The following LHPP variants were observed in gnomAD, a reference collection of about 807,000 sequenced individuals.
LHPP encodes the protein phospholysine phosphohistidine inorganic pyrophosphate phosphatase.
A neutral mutation model predicts 30.3 loss-of-function variants in LHPP; 24 were observed. That is an observed-to-expected ratio of 0.79 (90% CI 0.57 to 1.11). LHPP has a LOEUF of 1.11. Among genes scored for constraint, LHPP ranks in the 50% most tolerant of loss-of-function variants. LHPP has a pLI of 0.00. For missense variants in LHPP, 356 were observed against 367.2 expected (o/e 0.97, Z 0.25); for synonymous variants, 150 against 157.1 (o/e 0.95, Z 0.34).
intron 6 of LHPP, among the ~76,000 whole-genome samples, chr10:124,600,140 GC>G (rs1306934539): frequency 6.6e-6 from 1 of 152,186 alleles, no homozygotes; most frequent in Non-Finnish European, 1.5e-5. Flanking sequence ...CAGCTCCAAG[GC>G]CCCCCTGTGG....
intron 1 of LHPP, among the ~76,000 whole-genome samples, chr10:124,471,465 TTATATA>T (rs1444799396): frequency 2.4e-3 from 5 of 2,112 alleles, no homozygotes; most frequent in African/African-American, 2.9e-3. Flanking sequence ...TTATATATAT[TTATATA>T]TTATATATAT....
chr10:124,483,776 AAAAT>A (rs1370997948), intron 1 of LHPP, among the ~76,000 whole-genome samples: 2 of 151,836 alleles, frequency 1.3e-5, no homozygotes, highest in Non-Finnish European at 2.9e-5. Flanking sequence ...AGAAATAAAA[AAAAT>A]AAAGAAGTGG....
intron 6 of LHPP, among the ~76,000 whole-genome samples, chr10:124,564,815 T>C (rs1427467701): frequency 6.6e-6 from 1 of 152,162 alleles, no homozygotes; most frequent in Non-Finnish European, 1.5e-5. Flanking sequence ...ATTTTTAGGA[T>C]GGAAAAGTTA....
chr10:124,531,229 ACAC>A (rs2133931758), intron 6 of LHPP, among the ~76,000 whole-genome samples: 2 of 152,046 alleles, frequency 1.3e-5, no homozygotes, highest in East Asian at 3.9e-4. Flanking sequence ...CTCCAACCCC[ACAC>A]CCCGTCTCAA....
intron 5 of LHPP, among the ~76,000 whole-genome samples, chr10:124,513,073 A>AGTTTGTTT (rs113429645): frequency 0.066 from 9,924 of 151,290 alleles, 380 homozygotes; most frequent in Non-Finnish European, 0.089. Flanking sequence ...GAAGACATGT[A>AGTTTGTTT]GTTTGTTTGT....
intron 5 of LHPP, among the ~76,000 whole-genome samples, chr10:124,509,910 A>G (rs545469714): frequency 6.6e-6 from 1 of 152,122 alleles, no homozygotes; most frequent in South Asian, 2.1e-4. Context: ...TTGCACTCCA[A>G]AGCATCGCCG....
chr10:124,613,130 G>C lies in LHPP; in HGVS notation c.717-134G>C, dbSNP rs182429900. ...GAGGAGGGGGATGGCCAGTGGCCACGGGCCAGGCTGCCTGGCAGGACCTGG... is the reference window on the plus strand; with the variant it reads ...GAGGAGGGGGATGGCCAGTGGCCACCGGCCAGGCTGCCTGGCAGGACCTGG... On this transcript the variant is annotated intron_variant, in intron 6 of 6. Transcript: ENST00000368842. 4.1e-6 allele frequency: 3 copies of C among 723,726 alleles called. No individual in the cohort carries two copies. In the African/African-American group the frequency reaches 5.1e-5, roughly 12 times the overall value. The allele number at this position is 723,726 out of a possible 1,614,324, so 44.8% of individuals were successfully genotyped here. A position where few individuals can be genotyped will look rare whatever the true frequency, so the allele number is the denominator to read the frequency against.
intron 2 of LHPP, among the ~76,000 whole-genome samples, chr10:124,487,265 C>T (rs1248916436): frequency 6.6e-6 from 1 of 152,118 alleles, no homozygotes; most frequent in Non-Finnish European, 1.5e-5. Flanking sequence ...TGTATGTTCA[C>T]CTTTGTAAAA....
chr10:124,468,698 A>C (rs1269901800), intron 1 of LHPP, among the ~76,000 whole-genome samples: 1 of 152,146 alleles, frequency 6.6e-6, no homozygotes, highest in Non-Finnish European at 1.5e-5. Flanking sequence ...CGCCCACACC[A>C]GCGTGCCCTT....
At chr10:124,468,270 T>C (rs1199078410) in intron 1 of LHPP, among the ~76,000 whole-genome samples, 1 of 152,172 alleles carries the variant, frequency 6.6e-6, no homozygotes, top group Non-Finnish European at 1.5e-5. Flanking sequence ...TGGATTTGCT[T>C]TGGCTCCTGC....
intron 5 of LHPP, among the ~76,000 whole-genome samples, chr10:124,502,151 A>G (rs1283391727): frequency 6.6e-6 from 1 of 151,976 alleles, no homozygotes; most frequent in Non-Finnish European, 1.5e-5. Flanking sequence ...ATCATCGAGC[A>G]GTGATAAAAC....
At chr10:124,521,387 G>A (rs1347295315) in intron 6 of LHPP, among the ~76,000 whole-genome samples, 1 of 152,242 alleles carries the variant, frequency 6.6e-6, no homozygotes, top group Non-Finnish European at 1.5e-5. Context: ...CTGCACAGCG[G>A]TGAGCCCCCC....
At chr10:124,564,722 C>G (rs1391148837) in intron 6 of LHPP, among the ~76,000 whole-genome samples, 1 of 152,182 alleles carries the variant, frequency 6.6e-6, no homozygotes, top group South Asian at 2.1e-4. Flanking sequence ...TGAGTCTGGG[C>G]TGGGGACAGT....
chr10:124,524,563 C>T (rs555868031), intron 6 of LHPP, among the ~76,000 whole-genome samples: 2 of 152,320 alleles, frequency 1.3e-5, no homozygotes, highest in African/African-American at 4.8e-5. Flanking sequence ...AGGCATGAGC[C>T]ACCGTGTCTG....
intron 6 of LHPP, among the ~76,000 whole-genome samples, chr10:124,538,189 G>GGGGTCAACATGCA (rs1554888805): frequency 2.7e-5 from 4 of 149,444 alleles, no homozygotes; most frequent in African/African-American, 7.3e-5. Flanking sequence ...GTCACCATGC[G>GGGGTCAACATGCA]GGGTCACCAT....
intron 6 of LHPP, among the ~76,000 whole-genome samples, chr10:124,565,208 A>G (rs754788770): frequency 6.6e-6 from 1 of 152,180 alleles, no homozygotes; most frequent in Admixed American, 6.5e-5. Flanking sequence ...GCTGAGAAGC[A>G]CGCATGAGAA....
chr10:124,485,276 AAAAATATCTTG>A (rs1740182695), intron 2 of LHPP, among the ~76,000 whole-genome samples: 1 of 152,084 alleles, frequency 6.6e-6, no homozygotes, highest in South Asian at 2.1e-4. Context: ...AAGATTTAAG[AAAAATATCTTG>A]CCCCACCCTC....
chr10:124,598,312 A>G (rs1008188153), intron 6 of LHPP, among the ~76,000 whole-genome samples: 3 of 152,244 alleles, frequency 2.0e-5, no homozygotes, highest in African/African-American at 7.2e-5. Flanking sequence ...CAGGGGGTCC[A>G]GGGTGGCCCC....
intron 6 of LHPP, among the ~76,000 whole-genome samples, chr10:124,524,084 A>G (rs1213701114): frequency 6.6e-6 from 1 of 151,984 alleles, no homozygotes; most frequent in Non-Finnish European, 1.5e-5. Flanking sequence ...AATCACTCCC[A>G]CGCTGTATAA....
Sources: gnomAD v4.1 joint callset for allele counts (sites outside exome capture counted in the v4.1 genomes callset) on GRCh38, gnomAD v4.1.1 for gene constraint, MANE v1.5 for transcripts, NCBI Gene and HGNC (gene_info 2026-07-23, HGNC 2026-07-21) for gene names.